The following NPNT variants were observed in gnomAD, a reference collection of about 807,000 sequenced individuals.
The protein encoded by NPNT is preosteoblast EGF-like repeat protein with MAM domain.
In NPNT, 45 loss-of-function variants were observed where a neutral mutation model predicts 68.6. The ratio of observed to expected loss-of-function variants is 0.66; its 90% CI spans 0.52 to 0.84. The LOEUF is 0.84. NPNT is among the 40% of genes least tolerant of loss of function. The probability of loss-of-function intolerance (pLI) is 0.00; values close to 1 mark genes in which losing one functional copy is unlikely to be tolerated. For missense variants in NPNT, 672 were observed against 714.8 expected (o/e 0.94, Z 0.68); for synonymous variants, 233 against 253.3 (o/e 0.92, Z 0.76).
rs116020340 is a variant in NPNT, at chr4:105,963,584, G to A, written c.1346-3604G>A. On this transcript the variant is annotated intron_variant, in intron 10 of 11. Coordinates refer to ENST00000379987, the MANE Select transcript of NPNT (RefSeq NM_001033047.3). ...GTGCTGCTGACAGACATGGTGATGC[G>A]CTGCAGGTATGTAGCTGTGGCCCTG... 2.1e-3 allele frequency among the ~76,000 whole-genome samples: 322 copies of A among 151,984 alleles called. 3 individuals are homozygous for A. The highest frequency in any genetic ancestry group is 7.2e-3 in the African/African-American group (297 of 41,426).
chr4:105,967,965 A>T (rs571058127), intron 11 of NPNT, among the ~76,000 whole-genome samples: 3 of 152,302 alleles, frequency 2.0e-5, no homozygotes, highest in African/African-American at 7.2e-5. Flanking sequence ...ATTGGAAAGC[A>T]CTATTCTATT....
chr4:105,967,505 G>A (rs1732263226), intron 11 of NPNT, 61 bp downstream of exon 11: 1 of 1,467,192 alleles, frequency 6.8e-7, no homozygotes, highest in Non-Finnish European at 9.1e-7. Flanking sequence ...GAGAACTCTG[G>A]GATCTGAATT....
At chr4:105,923,725 A>C (rs1418609032) in intron 2 of NPNT, among the ~76,000 whole-genome samples, 2 of 152,106 alleles carry the variant, frequency 1.3e-5, no homozygotes, top group East Asian at 3.8e-4. Flanking sequence ...CTTACACAGC[A>C]TTCCAAAGCC....
intron 1 of NPNT, among the ~76,000 whole-genome samples, chr4:105,896,459 G>T (rs1725856259): frequency 6.6e-6 from 1 of 152,180 alleles, no homozygotes. Flanking sequence ...GGGCCGCTCC[G>T]GTGTGTGAGA....
chr4:105,905,893 A>C (rs142794869), intron 2 of NPNT, among the ~76,000 whole-genome samples: 1 of 152,224 alleles, frequency 6.6e-6, no homozygotes, highest in South Asian at 2.1e-4. Context: ...AATATTACAG[A>C]GTAGAAACCT....
chr4:105,945,004 C>A (rs1382209616), intron 8 of NPNT, among the ~76,000 whole-genome samples: 1 of 152,170 alleles, frequency 6.6e-6, no homozygotes, highest in Non-Finnish European at 1.5e-5. Context: ...CTTAAATCAT[C>A]CTTATTCTCC....
intron 2 of NPNT, among the ~76,000 whole-genome samples, chr4:105,922,791 T>C (rs994184820): frequency 1.3e-5 from 2 of 152,122 alleles, no homozygotes; most frequent in Non-Finnish European, 2.9e-5. Context: ...AGAGAGCAAA[T>C]TTTGAGAGTG....
In NPNT at chr4:105,898,075, A is replaced by G. The variant is rs909312355; in HGVS notation, c.172+74A>G. 5.9e-5 allele frequency: 59 copies of G among 1,002,270 alleles called. 1 individual carries two copies. The East Asian group carries it at 6.3e-4, about 11-fold the overall frequency. The allele number at this position is 1,002,270 out of a possible 1,614,324, so 62.1% of individuals were successfully genotyped here. On this transcript the variant is annotated intron_variant, in intron 2 of 11. Transcript: ENST00000379987. ...CACCTTGTTCATGGCTTCACCCCACATATCAGAGGGTTCATTACTGAGCAA... is the reference window on the plus strand; with the variant it reads ...CACCTTGTTCATGGCTTCACCCCACGTATCAGAGGGTTCATTACTGAGCAA...
chr4:105,942,792 G>T (rs755833504), intron 8 of NPNT, 90 bp downstream of exon 8: 1 of 1,260,762 alleles, frequency 7.9e-7, no homozygotes, highest in South Asian at 1.5e-5. Flanking sequence ...AATGAAACTC[G>T]TAAGAAGAAC....
intron 2 of NPNT, among the ~76,000 whole-genome samples, chr4:105,901,982 C>T (rs1462163894): frequency 6.6e-6 from 1 of 152,048 alleles, no homozygotes; most frequent in Non-Finnish European, 1.5e-5. Context: ...AATGAAAAGG[C>T]TATTAGTTTG....
intron 2 of NPNT, among the ~76,000 whole-genome samples, chr4:105,905,500 A>G (rs2149322166): frequency 6.6e-6 from 1 of 152,302 alleles, no homozygotes; most frequent in South Asian, 2.1e-4. Flanking sequence ...AAATGATGGC[A>G]TGAAGTACAA....
intron 1 of NPNT, 68 bp downstream of exon 1, chr4:105,895,791 CT>C: frequency 5.1e-6 from 7 of 1,366,360 alleles, no homozygotes; most frequent in Non-Finnish European, 7.1e-6. Flanking sequence ...TCTTGGGTCA[CT>C]TTTCCCCGCG....
chr4:105,935,628 TA>T (rs1348270595), intron 3 of NPNT, among the ~76,000 whole-genome samples: 1 of 152,158 alleles, frequency 6.6e-6, no homozygotes, highest in African/African-American at 2.4e-5. Flanking sequence ...CAAGAGACAA[TA>T]AAGTAGAAAA....
intron 2 of NPNT, among the ~76,000 whole-genome samples, chr4:105,919,638 A>T (rs1560901760): frequency 6.6e-6 from 1 of 152,056 alleles, no homozygotes; most frequent in Non-Finnish European, 1.5e-5. Flanking sequence ...GTCCATATCA[A>T]TTGCTTGGTA....
chr4:105,957,398 C>T (rs1346762893), intron 8 of NPNT, among the ~76,000 whole-genome samples: 1 of 152,008 alleles, frequency 6.6e-6, no homozygotes, highest in Non-Finnish European at 1.5e-5. Context: ...CAAATATACA[C>T]TGATTGAATA....
intron 8 of NPNT, among the ~76,000 whole-genome samples, chr4:105,945,926 G>A (rs1730348848): frequency 6.6e-6 from 1 of 152,120 alleles, no homozygotes; most frequent in Non-Finnish European, 1.5e-5. Context: ...AAGATTTAAG[G>A]CAAATTTTTT....
chr4:105,942,366 A>C lies in NPNT; in HGVS notation c.823A>C (p.Thr275Pro). 6.2e-7 allele frequency: 1 copy of C among 1,613,492 alleles called. No homozygotes were observed. The highest frequency in any genetic ancestry group is 1.3e-5 in the African/African-American group (1 of 75,006). Residue 275 changes from threonine to proline, a missense_variant, in exon 8 of 12, where the codon ACC becomes CCC. Coordinates refer to ENST00000379987, the MANE Select transcript of NPNT (RefSeq NM_001033047.3). ...AATTCATGTACCAAAGGGAAATGGT[A>C]CCATTTTAAAGGGTGACACAGGAAA... ...GPIHVPKGNGTILKGDTGNNN... is the reference protein window; with the variant it reads ...GPIHVPKGNGPILKGDTGNNN...
chr4:105,951,244 C>G (rs1259564082), intron 8 of NPNT, among the ~76,000 whole-genome samples: 1 of 152,174 alleles, frequency 6.6e-6, no homozygotes, highest in African/African-American at 2.4e-5. Context: ...GATTATAGAA[C>G]ATAATGTTAT....
chr4:105,967,188 G>A lies in NPNT; in HGVS notation c.1346G>A (p.Gly449Asp). Residue 449 changes from glycine to aspartate, a missense_variant and splice_region_variant, in exon 11 of 12, where the codon GGT (glycine) becomes GAT (aspartate). Physicochemically the swap from Gly to Asp is moderately conservative, Grantham distance 94. Coordinates refer to ENST00000379987, the MANE Select transcript of NPNT (RefSeq NM_001033047.3). The part of the protein sequence containing the change: ...LHWEPIRDPA[G>D]GQYLTVSAAK... Reference sequence around the variant, plus strand: ...CACAGCCCTGCTTTTCCCATTCCAGGTGGACAATATCTGACAGTGTCGGCA... The same window carrying A: ...CACAGCCCTGCTTTTCCCATTCCAGATGGACAATATCTGACAGTGTCGGCA... The A allele has an allele frequency of 6.2e-7, 1 of 1,613,566 alleles. No individual in the cohort carries two copies. The highest frequency in any genetic ancestry group is 8.5e-7 in the Non-Finnish European group (1 of 1,179,976).
Sources: gnomAD v4.1 joint callset for allele counts (sites outside exome capture counted in the v4.1 genomes callset) on GRCh38, gnomAD v4.1.1 for gene constraint, MANE v1.5 for transcripts, NCBI Gene and HGNC (gene_info 2026-07-23, HGNC 2026-07-21) for gene names.